Variants in SHISA9 observed in about 807,000 individuals in gnomAD.
The protein encoded by SHISA9 is protein shisa-9.
In SHISA9, 13 loss-of-function variants were observed where a neutral mutation model predicts 38.0. That is an observed-to-expected ratio of 0.34 (90% CI 0.22 to 0.54). The LOEUF is 0.54. SHISA9 is among the 20% of genes least tolerant of loss of function. The pLI, the probability that SHISA9 is intolerant of heterozygous loss-of-function variation, is 0.91. For missense variants in SHISA9, 538 were observed against 575.8 expected, an observed-to-expected ratio of 0.93 and a Z score of 0.67; for synonymous variants, 275 against 242.0, an observed-to-expected ratio of 1.14 and a Z score of -1.27.
intron 2 of SHISA9, among the ~76,000 whole-genome samples, chr16:13,033,386 C>T (rs538124164): frequency 6.6e-6 from 1 of 152,228 alleles, no homozygotes; most frequent in Non-Finnish European, 1.5e-5. Context: ...GAACCAAAAC[C>T]AGGGATTTGG....
the SHISA9 span, among the ~76,000 whole-genome samples, chr16:13,326,949 A>G: frequency 6.6e-6 from 1 of 152,164 alleles, no homozygotes; most frequent in Admixed American, 6.5e-5. Flanking sequence ...TGTCTTTGCA[A>G]TCTAGTTATC....
chr16:13,423,472 C>T, the SHISA9 span, among the ~76,000 whole-genome samples: 2 of 152,240 alleles, frequency 1.3e-5, no homozygotes, highest in African/African-American at 4.8e-5. Context: ...TTTTCAGTAT[C>T]TCCGAGAGAG....
intron 4 of SHISA9, among the ~76,000 whole-genome samples, chr16:13,222,815 T>TAC (rs56153007): frequency 4.2e-5 from 3 of 70,924 alleles, no homozygotes; most frequent in African/African-American, 2.9e-4. Context: ...TATATATACA[T>TAC]ACACACACCA....
chr16:13,550,755 C>CTCT, the SHISA9 span, among the ~76,000 whole-genome samples: 366 of 152,316 alleles, frequency 2.4e-3, 3 homozygotes, highest in Non-Finnish European at 3.2e-3. Flanking sequence ...AAAGTTTTCC[C>CTCT]TCTCAGTTTA....
chr16:12,959,404 C>T (rs2071878911), intron 2 of SHISA9, among the ~76,000 whole-genome samples: 1 of 152,132 alleles, frequency 6.6e-6, no homozygotes, highest in African/African-American at 2.4e-5. Flanking sequence ...TCCACATCAG[C>T]AGAGGAAAAG....
the SHISA9 span, among the ~76,000 whole-genome samples, chr16:13,476,602 G>A: frequency 6.6e-6 from 1 of 152,080 alleles, no homozygotes; most frequent in Admixed American, 6.5e-5. Context: ...CTTATGTGGT[G>A]TTTGATGGAA....
chr16:13,529,108 C>A, the SHISA9 span, among the ~76,000 whole-genome samples: 2 of 152,312 alleles, frequency 1.3e-5, no homozygotes, highest in East Asian at 1.9e-4. Flanking sequence ...CTCATGACAG[C>A]CCCTCTGTTT....
At chr16:12,970,389 GTATATATA>G (rs143875033) in intron 2 of SHISA9, among the ~76,000 whole-genome samples, 1 of 34,708 alleles carries the variant, frequency 2.9e-5, no homozygotes, top group Non-Finnish European at 5.2e-5. Context: ...ATACATATAT[GTATATATA>G]TATATACATA....
chr16:13,392,509 C>A, the SHISA9 span, among the ~76,000 whole-genome samples: 1 of 152,092 alleles, frequency 6.6e-6, no homozygotes, highest in Non-Finnish European at 1.5e-5. Context: ...GTTGGGGCTC[C>A]ATTTTACAGC....
At chr16:13,138,286 C>T (rs2050367926) in intron 2 of SHISA9, among the ~76,000 whole-genome samples, 1 of 152,182 alleles carries the variant, frequency 6.6e-6, no homozygotes, top group Admixed American at 6.5e-5. Context: ...GTGGGTAACT[C>T]ATAGATTGGA....
chr16:13,205,334 T>A (rs2051053790), intron 3 of SHISA9, among the ~76,000 whole-genome samples: 1 of 152,236 alleles, frequency 6.6e-6, no homozygotes, highest in African/African-American at 2.4e-5. Flanking sequence ...ATGACCTTAA[T>A]ACATGGGGGA....
At chr16:13,049,153 AGTATGTGTGTGTGTGTGTGTGTGT>A (rs1280601017) in intron 2 of SHISA9, among the ~76,000 whole-genome samples, 1 of 138,404 alleles carries the variant, frequency 7.2e-6, no homozygotes, top group Non-Finnish European at 1.6e-5. Context: ...TTTGGTTAGG[AGTATGTGTGTGTGTGTGTGTGTGT>A]GTGTGTGTGT....
chr16:13,484,322 T>C, the SHISA9 span, among the ~76,000 whole-genome samples: 1 of 152,182 alleles, frequency 6.6e-6, no homozygotes, highest in Non-Finnish European at 1.5e-5. Flanking sequence ...TTTCACCCCT[T>C]GTACAATTGT....
chr16:13,143,968 C>A (rs2050424976), intron 2 of SHISA9, among the ~76,000 whole-genome samples: 1 of 152,114 alleles, frequency 6.6e-6, no homozygotes, highest in Non-Finnish European at 1.5e-5. Context: ...TCACCAAGAG[C>A]ATTTGATCTA....
chr16:13,076,091 C>T (rs1033378342), intron 2 of SHISA9, among the ~76,000 whole-genome samples: 2 of 147,474 alleles, frequency 1.4e-5, no homozygotes, highest in Non-Finnish European at 3.0e-5. Flanking sequence ...AGTGCAGTGG[C>T]GCGATCTTGG....
Position 13,235,458 on chromosome 16 carries a change from CA to C in SHISA9, c.*55del, listed in dbSNP as rs1413782644. On this transcript the variant is annotated 3_prime_UTR_variant, in exon 5 of 5. Transcript: ENST00000558583. ...GGAGACCACACTCAACTGAGAGAGGCAAAAAACAACCCCGCCCACACCCTCC... is the reference window on the plus strand; with the variant it reads ...GGAGACCACACTCAACTGAGAGAGGCAAAAACAACCCCGCCCACACCCTCC... 6.1e-6 allele frequency: 9 copies of C among 1,483,198 alleles called. No individual in the cohort carries two copies. The highest frequency in any genetic ancestry group is 8.0e-6 in the Non-Finnish European group (9 of 1,120,394). The allele number at this position is 1,483,198 out of a possible 1,614,324, so 91.9% of individuals were successfully genotyped here. A position where few individuals can be genotyped will look rare whatever the true frequency, so the allele number is the denominator to read the frequency against.
the SHISA9 span, among the ~76,000 whole-genome samples, chr16:13,489,570 G>C: frequency 6.6e-6 from 1 of 152,160 alleles, no homozygotes; most frequent in Non-Finnish European, 1.5e-5. Flanking sequence ...TCTCATGGTA[G>C]TGAATAAGTC....
chr16:12,984,261 A>G (rs1299470475), intron 2 of SHISA9, among the ~76,000 whole-genome samples: 1 of 152,172 alleles, frequency 6.6e-6, no homozygotes, highest in African/African-American at 2.4e-5. Context: ...GAAAGAAATG[A>G]AAGGTACATT....
At chr16:13,323,860 T>C in the SHISA9 span, among the ~76,000 whole-genome samples, 5 of 151,976 alleles carry the variant, frequency 3.3e-5, no homozygotes, top group Non-Finnish European at 7.4e-5. Context: ...CAATTCAAGA[T>C]GAGATTTGGG....
Sources: gnomAD v4.1 joint callset for allele counts (sites outside exome capture counted in the v4.1 genomes callset) on GRCh38, gnomAD v4.1.1 for gene constraint, MANE v1.5 for transcripts, NCBI Gene and HGNC (gene_info 2026-07-23, HGNC 2026-07-21) for gene names.